PARP4: variants seen among roughly 807,000 people sequenced by gnomAD.
The protein encoded by PARP4 is poly(ADP-ribose) polymerase family member 4.
Under a neutral mutation model 187.7 loss-of-function variants are expected in PARP4, and 120 were observed. The ratio of observed to expected loss-of-function variants is 0.64; its 90% CI spans 0.55 to 0.74. The LOEUF (loss-of-function observed/expected upper bound fraction) is 0.74. Among genes scored for constraint, PARP4 ranks in the 30% least tolerant of loss-of-function variants. PARP4 has a pLI of 0.00. For synonymous variants in PARP4, 654 were observed against 740.9 expected (o/e 0.88, Z 1.90); for missense variants, 1,836 against 2,070.5 (o/e 0.89, Z 2.20).
In PARP4 at chr13:24,452,497, C is replaced by T; in HGVS notation, c.2923G>A (p.Val975Met). The change falls in exon 24 of 34, where the codon GTG (valine) becomes ATG (methionine). Residue 975 changes from valine (V) to methionine (M), a missense_variant. Coordinates refer to ENST00000381989, the MANE Select transcript of PARP4 (RefSeq NM_006437.4). ...TCATCCTGGAGGTGCCCATCAGACA[C>T]CAGGAGGATGTTCCGTGACCCTCGA... Reference protein sequence around the residue: ...PARGSRNILLVSDGHLQDESL... With the variant: ...PARGSRNILLMSDGHLQDESL... 1 of 1,614,104 alleles carries T rather than the reference C, an allele frequency of 6.2e-7. No homozygotes were observed. The highest frequency in any genetic ancestry group is 8.5e-7 in the Non-Finnish European group (1 of 1,179,982).
At chr13:24,454,424 C>T (rs1370113984) in intron 22 of PARP4, among the ~76,000 whole-genome samples, 1 of 152,198 alleles carries the variant, frequency 6.6e-6, no homozygotes, top group East Asian at 1.9e-4. Context: ...CCTCACTCCA[C>T]TCCACGCACC....
At chr13:24,485,601 T>G (rs1873509792) in intron 11 of PARP4, among the ~76,000 whole-genome samples, 1 of 152,214 alleles carries the variant, frequency 6.6e-6, no homozygotes, top group Non-Finnish European at 1.5e-5. Context: ...CCTGCTCCTG[T>G]GACTTCAGTT....
chr13:24,424,250 AT>A (rs1216363354), intron 33 of PARP4, among the ~76,000 whole-genome samples: 1 of 151,918 alleles, frequency 6.6e-6, no homozygotes, highest in African/African-American at 2.4e-5. Context: ...TTCCTATCTC[AT>A]TTTTTTAAAT....
chr13:24,489,927 A>T (rs1868539905), intron 10 of PARP4, among the ~76,000 whole-genome samples: 1 of 152,198 alleles, frequency 6.6e-6, no homozygotes, highest in Non-Finnish European at 1.5e-5. Flanking sequence ...AATCTCTTAA[A>T]TGTTGACAAC....
chr13:24,444,103 T>C (rs1323265776), intron 27 of PARP4, among the ~76,000 whole-genome samples: 2 of 152,280 alleles, frequency 1.3e-5, no homozygotes, highest in Non-Finnish European at 2.9e-5. Flanking sequence ...GGCCCTGGGA[T>C]GCCCGTCCGT....
intron 32 of PARP4, among the ~76,000 whole-genome samples, chr13:24,426,965 C>CT (rs1870093754): frequency 6.7e-6 from 1 of 149,732 alleles, no homozygotes; most frequent in Non-Finnish European, 1.5e-5. Flanking sequence ...TCGTGAAACT[C>CT]TAATACTCTT....
intron 10 of PARP4, among the ~76,000 whole-genome samples, chr13:24,489,918 AT>A (rs1258143074): frequency 1.3e-5 from 2 of 152,098 alleles, no homozygotes; most frequent in Non-Finnish European, 2.9e-5. Flanking sequence ...AGCTCACCAA[AT>A]CTCTTAAATG....
intron 33 of PARP4, among the ~76,000 whole-genome samples, chr13:24,424,605 AGATT>A (rs1869920250): frequency 6.6e-6 from 1 of 151,982 alleles, no homozygotes. Flanking sequence ...ACTCCCAGTG[AGATT>A]TCTTTGTAAT....
intron 12 of PARP4, among the ~76,000 whole-genome samples, chr13:24,482,013 A>G (rs1170581374): frequency 1.3e-5 from 2 of 152,234 alleles, no homozygotes; most frequent in Non-Finnish European, 2.9e-5. Flanking sequence ...TTATGGGAGG[A>G]GGTCAGCCTA....
In PARP4 at chr13:24,439,147, T is replaced by C. The variant is rs139691655; in HGVS notation, c.3666+2699A>G. 1.3e-3 allele frequency among the ~76,000 whole-genome samples: 205 copies of C among 152,230 alleles called. 1 individual carries two copies. Among genetic ancestry groups the C allele is most frequent in the African/African-American group, 4.7e-3 (196 of 41,532 alleles). On this transcript the variant is annotated intron_variant, in intron 30 of 33. Coordinates refer to ENST00000381989, the MANE Select transcript of PARP4 (RefSeq NM_006437.4). Reference sequence around the variant, plus strand: ...AAAACCTAAATTAATTTAGAACCAATTTTGAAAATAATTTCAAAAATTTCT... The same window carrying C: ...AAAACCTAAATTAATTTAGAACCAACTTTGAAAATAATTTCAAAAATTTCT...
At position 24,490,825 on chromosome 13, in the gene PARP4, T is replaced by C. The variant is rs907739068; in HGVS notation, c.1057A>G (p.Ile353Val). 2 of 1,612,646 alleles carry C rather than the reference T, an allele frequency of 1.2e-6. No homozygotes were observed. The highest frequency in any genetic ancestry group is 2.7e-5 in the African/African-American group (2 of 75,016). ...LAKKADLCQL[I>V]RDMVNVCETN... Reference sequence around the variant, plus strand: ...TCACAGACATTAACCATGTCTCTTATTAGCTGTAGGTGGAAATAATACACA... The same window carrying C: ...TCACAGACATTAACCATGTCTCTTACTAGCTGTAGGTGGAAATAATACACA... Residue 353 changes from isoleucine to valine, a missense_variant, in exon 10 of 34, where the codon ATA becomes GTA. By Grantham distance (29) the Ile-to-Val change is conservative. Transcript: ENST00000381989.
rs760129643 is a variant in PARP4, at chr13:24,501,873, AAAC to A, written c.133-42_133-40del. On this transcript the variant is annotated intron_variant, in intron 2 of 33. Transcript: ENST00000381989. ...GAGTCAATCCATTATGCATCAAGAA[AAAC>A]AACATTTAAATAAGATATTTGTATC... The A allele has an allele frequency of 2.7e-5, 30 of 1,125,560 alleles. No individual in the cohort carries two copies. The Admixed American group carries it at 4.7e-4, about 18-fold the overall frequency. 69.7% of individuals were successfully genotyped at this position (1,125,560 alleles called of 1,614,324 possible).
intron 1 of PARP4, among the ~76,000 whole-genome samples, chr13:24,506,045 C>G (rs1251112111): frequency 6.6e-6 from 1 of 152,210 alleles, no homozygotes; most frequent in African/African-American, 2.4e-5. Flanking sequence ...AGTGCTGTGT[C>G]TGGAATTTGT....
intron 24 of PARP4, among the ~76,000 whole-genome samples, chr13:24,450,612 C>T (rs1360491398): frequency 3.9e-5 from 6 of 152,180 alleles, no homozygotes; most frequent in Non-Finnish European, 8.8e-5. Flanking sequence ...TTCAGGGCGG[C>T]TCTCAGAGGA....
At chr13:24,508,569 A>G (rs1869833383) in intron 1 of PARP4, among the ~76,000 whole-genome samples, 2 of 152,214 alleles carry the variant, frequency 1.3e-5, no homozygotes, top group Non-Finnish European at 2.9e-5. Context: ...GCGGAAGTGC[A>G]GTGGTGAGAC....
intron 20 of PARP4, among the ~76,000 whole-genome samples, chr13:24,457,265 A>G (rs1339445594): frequency 6.6e-6 from 1 of 152,220 alleles, no homozygotes; most frequent in Non-Finnish European, 1.5e-5. Flanking sequence ...AGAGTGTCAC[A>G]TGACCACAAA....
At chr13:24,484,489 C>T (rs114599236) in intron 12 of PARP4, among the ~76,000 whole-genome samples, 164 bp downstream of exon 12, 1,643 of 152,212 alleles carry the variant, frequency 0.011, 39 homozygotes, top group African/African-American at 0.037. Context: ...CAGATTTAAA[C>T]ATTATCAAGG....
At chr13:24,474,593 C>G (rs1238937919) in intron 15 of PARP4, among the ~76,000 whole-genome samples, 1 of 151,368 alleles carries the variant, frequency 6.6e-6, no homozygotes, top group Non-Finnish European at 1.5e-5. Flanking sequence ...ACTCTGTTGT[C>G]TCCTCGGCCA....
At chr13:24,453,328 AG>A (rs1871632234) in intron 23 of PARP4, among the ~76,000 whole-genome samples, 1 of 152,148 alleles carries the variant, frequency 6.6e-6, no homozygotes. Flanking sequence ...AAAGGACAGA[AG>A]AAAACTTCTC....
Sources: gnomAD v4.1 joint callset for allele counts (sites outside exome capture counted in the v4.1 genomes callset) on GRCh38, gnomAD v4.1.1 for gene constraint, MANE v1.5 for transcripts, NCBI Gene and HGNC (gene_info 2026-07-23, HGNC 2026-07-21) for gene names.